PSMB8: variants seen among roughly 807,000 people sequenced by gnomAD.
PSMB8 encodes the protein proteasome 20S subunit beta 8, also known as proteasome subunit beta type-8.
PSMB8 carries 20 observed loss-of-function variants against 32.3 expected under a neutral mutation model. That is an observed-to-expected ratio of 0.62 (90% CI 0.44 to 0.90). The LOEUF is 0.90. Among genes scored for constraint, PSMB8 ranks in the 40% least tolerant of loss-of-function variants. PSMB8 has a pLI of 0.00. For missense variants in PSMB8, 342 were observed against 365.4 expected, an observed-to-expected ratio of 0.94 and a Z score of 0.52; for synonymous variants, 131 against 135.4, an observed-to-expected ratio of 0.97 and a Z score of 0.23.
At chr6:32,841,199 T>C (rs1289035470) in intron 5 of PSMB8, 152 bp from the exon 6 acceptor site, 2 of 747,720 alleles carry the variant, frequency 2.7e-6, no homozygotes, top group Non-Finnish European at 4.8e-6. Context: ...TCTGAAAATT[T>C]CCTCCCTACT....
chr6:32,844,067 G>C (rs148321715), upstream of PSMB8: 1,624 of 1,588,528 alleles, frequency 1.0e-3, 4 homozygotes, highest in Middle Eastern at 3.7e-3. Flanking sequence ...AGATCGAAGG[G>C]GAGGGAACAA....
At chr6:32,844,282 C>G (rs971404807), upstream of PSMB8, 1 of 1,613,816 alleles carries the variant, frequency 6.2e-7, no homozygotes, top group Non-Finnish European at 8.5e-7. Flanking sequence ...GAGGTACCTC[C>G]AGGCCCGGGC....
Position 32,841,052 on chromosome 6 carries a change from G to A in PSMB8, c.743-5C>T, listed in dbSNP as rs1487587957. 1.6e-5 allele frequency: 26 copies of A among 1,603,406 alleles called. No individual in the cohort carries two copies. Among genetic ancestry groups the A allele is most frequent in the Non-Finnish European group, 2.2e-5 (26 of 1,170,390 alleles). ...CATCTTCCTTCATGTGGTACACTGT[G>A]GACAAATGAGAAAAGAACATGGAGT... is the stretch of plus-strand genomic sequence containing the variant. On this transcript the variant is annotated splice_polypyrimidine_tract_variant and splice_region_variant and intron_variant, in intron 5 of 5. Coordinates refer to ENST00000374882, the MANE Select transcript of PSMB8 (RefSeq NM_148919.4).
intron 1 of PSMB8, among the ~76,000 whole-genome samples, 189 bp from the exon 2 acceptor site, chr6:32,843,278 T>A (rs1659444644): frequency 6.6e-6 from 1 of 152,186 alleles, no homozygotes; most frequent in Non-Finnish European, 1.5e-5. Context: ...GGCATGCCAG[T>A]ATCAACCTTT....
At chr6:32,842,590 G>A (rs938435086) in intron 3 of PSMB8, 82 bp downstream of exon 3, 2 of 1,259,528 alleles carry the variant, frequency 1.6e-6, no homozygotes, top group African/African-American at 2.9e-5. Context: ...GGACCACATA[G>A]GACAAGAGTA....
upstream of PSMB8, chr6:32,844,337 G>T: frequency 1.2e-6 from 2 of 1,613,974 alleles, no homozygotes; most frequent in Non-Finnish European, 1.7e-6. Flanking sequence ...ATCTAAAGGC[G>T]CAGCTTCAAC....
intron 3 of PSMB8, 23 bp from the exon 4 acceptor site, chr6:32,842,286 G>A: frequency 6.2e-7 from 1 of 1,612,870 alleles, no homozygotes; most frequent in African/African-American, 1.3e-5. Flanking sequence ...AAGGTGGAGT[G>A]AGGAAAGAGA....
rs758313787 is a variant in PSMB8 at position 32,843,860 on chromosome 6, C to T, written c.137G>A (p.Arg46Gln). The T allele has an allele frequency of 1.7e-5, 28 of 1,612,684 alleles. No homozygotes were observed. The highest frequency in any genetic ancestry group is 7.6e-6 in the Non-Finnish European group (9 of 1,180,012). The change falls in exon 1 of 6, where the codon CGG becomes CAG. Residue 46 changes from arginine to glutamine, a missense_variant. Arg to Gln is a conservative substitution (Grantham distance 43, BLOSUM62 1). Coordinates refer to ENST00000374882, the MANE Select transcript of PSMB8 (RefSeq NM_148919.4). ...SMRSPELALP[R>Q]GMQPTEFFQS... ...CCCTACTGCCCCGACCTGCATTCCC[C>T]GGGGTAAAGCGAGCTCTGGAGATCG...
At chr6:32,843,739 A>G (rs114777049) in intron 1 of PSMB8, 111 bp downstream of exon 1, 27,470 of 1,353,916 alleles carry the variant, frequency 0.02, 356 homozygotes, top group African/African-American at 0.026. Context: ...ACTGAAGGCT[A>G]CCCCCGACCC....
intron 2 of PSMB8, 59 bp downstream of exon 2, chr6:32,842,883 T>C (rs779341394): frequency 9.3e-6 from 15 of 1,613,194 alleles, no homozygotes; most frequent in Non-Finnish European, 1.2e-5. Context: ...AGAGTTGGCC[T>C]CCTGTGGAAA....
chr6:32,842,470 T>G (rs1204924398), intron 3 of PSMB8, among the ~76,000 whole-genome samples: 5 of 152,258 alleles, frequency 3.3e-5, no homozygotes, highest in Non-Finnish European at 5.9e-5. Flanking sequence ...GTGTCAGTGC[T>G]AAATACCTGA....
chr6:32,841,103 T>C lies in PSMB8; in HGVS notation c.743-56A>G, dbSNP rs550249449. ...CACCTTTCACCTCAGCAAGTTCCTG[T>C]CACTGATGTTATGTTGAAGGCAGCA... On this transcript the variant is annotated intron_variant, in intron 5 of 5. Transcript: ENST00000374882. 1.0e-5 allele frequency: 15 copies of C among 1,428,664 alleles called. No individual in the cohort carries two copies. The South Asian group carries it at 1.7e-4, about 16-fold the overall frequency. The allele number at this position is 1,428,664 out of a possible 1,614,324, so 88.5% of individuals were successfully genotyped here.
At chr6:32,842,064 T>C in intron 4 of PSMB8, 70 bp downstream of exon 4, 1 of 1,609,524 alleles carries the variant, frequency 6.2e-7, no homozygotes, top group South Asian at 1.1e-5. Flanking sequence ...AGTAGGAGTA[T>C]ATGATGGGAA....
Position 32,841,634 on chromosome 6 carries a change from A to G in PSMB8, c.639T>C (p.Ser213=). 6.2e-7 allele frequency: 1 copy of G among 1,613,012 alleles called. No homozygotes were observed. ...GNTYAYGVMD[S]GYRPNLSPEE... The stretch of plus-strand genomic sequence containing the variant: ...CAGGGCTAAGATTAGGCCGATAGCC[A>G]CTGTCCATGACCCCGTAGGCATAAG... Residue 213 remains serine, a synonymous_variant, in exon 5 of 6, where the codon AGT becomes AGC. Transcript: ENST00000374882.
chr6:32,844,129 T>C (rs1770146459), upstream of PSMB8: 4 of 1,505,970 alleles, frequency 2.7e-6, no homozygotes, highest in East Asian at 2.4e-5. Context: ...AGTTAGTGCC[T>C]GGACCAGGAC....
rs886061311 is a variant in PSMB8, at chr6:32,844,031, G to A, written c.-35C>T. On this transcript the variant is annotated 5_prime_UTR_variant, in exon 1 of 6. Coordinates refer to ENST00000374882, the MANE Select transcript of PSMB8 (RefSeq NM_148919.4). ...GCACCCAGAGATCTGTCCGCTCTCG[G>A]AGGAGGAAGTGAAAGCGAAAGCCAC... 4 of 1,603,180 alleles carry A rather than the reference G, an allele frequency of 2.5e-6. No homozygotes were observed. Among genetic ancestry groups the A allele is most frequent in the Non-Finnish European group, 3.4e-6 (4 of 1,173,422 alleles).
chr6:32,842,355 G>T (rs921888028), intron 3 of PSMB8, 92 bp from the exon 4 acceptor site: 8 of 1,499,758 alleles, frequency 5.3e-6, no homozygotes, highest in African/African-American at 4.1e-5. Context: ...GCATTGGAAA[G>T]GAATTATTTT....
upstream of PSMB8, chr6:32,844,076 AAG>A: frequency 6.4e-7 from 1 of 1,574,196 alleles, no homozygotes; most frequent in African/African-American, 1.4e-5. Context: ...GGGAGGGAAC[AAG>A]ACTCTTTTCC....
intron 1 of PSMB8, 111 bp from the exon 2 acceptor site, chr6:32,843,200 C>A: frequency 8.1e-7 from 1 of 1,236,632 alleles, no homozygotes; most frequent in South Asian, 1.2e-5. Context: ...AATGATCTAA[C>A]CATCAATAAA....
Sources: allele counts gnomAD v4.1 joint callset (sites outside exome capture counted in the v4.1 genomes callset), GRCh38; gene constraint gnomAD v4.1.1; transcripts MANE v1.5; gene names NCBI Gene and HGNC (gene_info 2026-07-23, HGNC 2026-07-21).